Variants in ZNF490 observed in about 807,000 individuals in gnomAD.
ZNF490 encodes zinc finger protein 490.
In ZNF490, 11 loss-of-function variants were observed where a neutral mutation model predicts 17.7. That is an observed-to-expected ratio of 0.62 (90% CI 0.39 to 1.03). The LOEUF (loss-of-function observed/expected upper bound fraction) is 1.03. Ranked by LOEUF, ZNF490 falls within the 50% of genes least tolerant of loss-of-function variation. ZNF490 has a pLI of 0.00. For synonymous variants in ZNF490, 222 were observed against 216.1 expected (o/e 1.03, Z -0.24); for missense variants, 542 against 643.4 (o/e 0.84, Z 1.71).
chr19:12,601,126 C>G (rs557014166), intron 2 of ZNF490, among the ~76,000 whole-genome samples: 4 of 151,792 alleles, frequency 2.6e-5, no homozygotes, highest in Admixed American at 2.6e-4. Context: ...CGTTGGCTTA[C>G]GCCTGTAATC....
At chr19:12,583,869 G>A (rs1463513582) in intron 2 of ZNF490, among the ~76,000 whole-genome samples, 1 of 141,318 alleles carries the variant, frequency 7.1e-6, no homozygotes. Context: ...GGAGTGCAGT[G>A]GCACAATGTC....
intron 4 of ZNF490, among the ~76,000 whole-genome samples, 172 bp from the exon 5 acceptor site, chr19:12,581,896 T>C (rs1030626235): frequency 6.6e-6 from 1 of 152,176 alleles, no homozygotes; most frequent in African/African-American, 2.4e-5. Flanking sequence ...GCCGTGACCA[T>C]AGCTATTATC....
At position 12,598,175 on chromosome 19, in the gene ZNF490, G is replaced by C. The variant is rs191280697; in HGVS notation, c.162+10983C>G. Among the ~76,000 whole-genome samples, 103 of 151,850 alleles carry C rather than the reference G, an allele frequency of 6.8e-4. 1 individual carries two copies. The highest frequency in any genetic ancestry group is 2.3e-3 in the African/African-American group (95 of 41,476). On this transcript the variant is annotated intron_variant, in intron 2 of 4. Transcript: ENST00000311437. ...GGAGGCGGAGGTTGCAGTGAGCCAA[G>C]ATCGCGCCACTGCACTCCAGCCTGG...
At position 12,580,107 on chromosome 19, in the gene ZNF490, C is replaced by CAACAAA; in HGVS notation, c.*372_*377dup. On this transcript the variant is annotated 3_prime_UTR_variant, in exon 5 of 5. Transcript: ENST00000311437. The stretch of plus-strand genomic sequence containing the variant: ...GGGCAACAAGAGCAAAATTACATCT[C>CAACAAA]AACAAAAACAAAAACAAAAAACAAA... 1.0e-6 allele frequency: 1 copy of CAACAAA among 997,098 alleles called. No individual in the cohort carries two copies. Among genetic ancestry groups the CAACAAA allele is most frequent in the Non-Finnish European group, 1.2e-6 (1 of 836,870 alleles). 61.8% of individuals were successfully genotyped at this position (997,098 alleles called of 1,614,324 possible).
At chr19:12,595,147 CTT>C (rs1049633074) in intron 2 of ZNF490, among the ~76,000 whole-genome samples, 2 of 149,920 alleles carry the variant, frequency 1.3e-5, no homozygotes, top group African/African-American at 4.9e-5. Flanking sequence ...TTTTCTCTCT[CTT>C]TTTTTTTTTG....
At chr19:12,604,820 G>A (rs150141009) in intron 2 of ZNF490, among the ~76,000 whole-genome samples, 5,047 of 148,594 alleles carry the variant, frequency 0.034, 309 homozygotes, top group African/African-American at 0.12. Context: ...GCAAAACTCC[G>A]TCTCAAAAAA....
At chr19:12,582,498 G>A (rs549521383) in intron 4 of ZNF490, among the ~76,000 whole-genome samples, 1 of 152,048 alleles carries the variant, frequency 6.6e-6, no homozygotes, top group East Asian at 1.9e-4. Flanking sequence ...AGGTTCAAGC[G>A]ATTCTCCTGC....
intron 2 of ZNF490, among the ~76,000 whole-genome samples, chr19:12,599,937 G>A (rs2022981416): frequency 6.6e-6 from 1 of 152,054 alleles, no homozygotes. Context: ...AAGCACAACG[G>A]CTTTCTTTTA....
rs775246244 is a variant in ZNF490, at chr19:12,577,508, A to T, written c.*2977T>A. 5.2e-6 allele frequency: 3 copies of T among 580,832 alleles called. No homozygotes were observed. The highest frequency in any genetic ancestry group is 5.8e-6 in the Non-Finnish European group (3 of 513,472). The allele number at this position is 580,832 out of a possible 1,614,324, so 36.0% of individuals were successfully genotyped here. On this transcript the variant is annotated 3_prime_UTR_variant, in exon 5 of 5. Coordinates refer to ENST00000311437, the MANE Select transcript of ZNF490 (RefSeq NM_020714.3). The stretch of plus-strand genomic sequence containing the variant: ...TGTTCCAACCCCTCATACTACCATA[A>T]ATGTTCCTGGTGAGAGAAGCGAATG...
Position 12,610,786 on chromosome 19 carries a change from G to A in ZNF490, c.-106C>T, listed in dbSNP as rs2288453. 5.1e-4 allele frequency: 614 copies of A among 1,194,098 alleles called. 10 individuals carry two copies. In the East Asian group the frequency reaches 0.014, roughly 28 times the overall value. The allele number at this position is 1,194,098 out of a possible 1,614,324, so 74.0% of individuals were successfully genotyped here. ...ATTGTCCACGGAGGGCACCAGTTCC[G>A]TCCCACCGGCGGAAGCGAGATCTGC... On this transcript the variant is annotated 5_prime_UTR_variant, in exon 1 of 5. It adds an upstream start codon to the 5' untranslated region. Transcript: ENST00000311437.
Position 12,588,050 on chromosome 19 carries a change from A to G in ZNF490, c.163-4494T>C, listed in dbSNP as rs1344161953. ...ACGCCTGGCTAATTTTTGTATTTTT[A>G]GTAGAGACAGGGTTTCACCATGTTG... On this transcript the variant is annotated intron_variant, in intron 2 of 4. Transcript: ENST00000311437. Among the ~76,000 whole-genome samples, 2 of 81,174 alleles carry G rather than the reference A, an allele frequency of 2.5e-5. 1 individual carries two copies. Among genetic ancestry groups the G allele is most frequent in the Non-Finnish European group, 6.8e-5 (2 of 29,468 alleles). The allele number at this position is 81,174 out of a possible 152,430, so 53.3% of individuals were successfully genotyped here.
chr19:12,607,616 C>T (rs981916785), intron 2 of ZNF490, among the ~76,000 whole-genome samples: 2 of 151,780 alleles, frequency 1.3e-5, no homozygotes, highest in Non-Finnish European at 2.9e-5. Context: ...AAACTGAAAA[C>T]TCAGGCCAGG....
rs55911311 is a variant in ZNF490 at position 12,599,139 on chromosome 19, C to CA, written c.162+10018dup. ...TGGGCAACAGAGCAAGACTCTGTCT[C>CA]AAAAAAAAAAAAAAAAAAAAAAAGA... On this transcript the variant is annotated intron_variant, in intron 2 of 4. Transcript: ENST00000311437. 8.1e-3 allele frequency among the ~76,000 whole-genome samples: 553 copies of CA among 68,560 alleles called. 21 individuals are homozygous for CA. The highest frequency in any genetic ancestry group is 0.023 in the East Asian group (35 of 1,490). The allele number at this position is 68,560 out of a possible 152,430, so 45.0% of individuals were successfully genotyped here. A position where few individuals can be genotyped will look rare whatever the true frequency, so the allele number is the denominator to read the frequency against.
intron 2 of ZNF490, among the ~76,000 whole-genome samples, chr19:12,589,275 T>A (rs1025203637): frequency 3.3e-5 from 5 of 152,140 alleles, no homozygotes; most frequent in African/African-American, 1.2e-4. Flanking sequence ...GAGAATCACT[T>A]GAACCCAGGA....
rs1006964586 is a variant in ZNF490, at chr19:12,580,235, C to T, written c.*250G>A. 5 of 1,251,460 alleles carry T rather than the reference C, an allele frequency of 4.0e-6. No homozygotes were observed. In the African/African-American group the frequency reaches 6.0e-5, roughly 15 times the overall value. 77.5% of individuals were successfully genotyped at this position (1,251,460 alleles called of 1,614,324 possible). On this transcript the variant is annotated 3_prime_UTR_variant, in exon 5 of 5. Transcript: ENST00000311437. ...ATTACGTGAAGTGAAGGCTTTCCTA[C>T]ACTCCATACATTCGTAGCTTTTCTG...
intron 2 of ZNF490, among the ~76,000 whole-genome samples, chr19:12,606,571 C>T (rs1401297619): frequency 6.6e-6 from 1 of 152,032 alleles, no homozygotes; most frequent in Non-Finnish European, 1.5e-5. Flanking sequence ...TCTTGAACTC[C>T]TGACCTCAAG....
chr19:12,596,380 G>A (rs1419298277), intron 2 of ZNF490, among the ~76,000 whole-genome samples: 2 of 151,682 alleles, frequency 1.3e-5, no homozygotes, highest in Non-Finnish European at 2.9e-5. Flanking sequence ...ACTCACAATC[G>A]AAAGGTAAAT....
At position 12,578,365 on chromosome 19, in the gene ZNF490, C is replaced by T; in HGVS notation, c.*2120G>A. 1 of 985,698 alleles carries T rather than the reference C, an allele frequency of 1.0e-6. No homozygotes were observed. The allele number at this position is 985,698 out of a possible 1,614,324, so 61.1% of individuals were successfully genotyped here. A position where few individuals can be genotyped will look rare whatever the true frequency, so the allele number is the denominator to read the frequency against. ...TCTGACTGTGGTGGTTGGTGCAGGGCTGGTAACCGCAGGAGAGTGGATGCT... is the reference window on the plus strand; with the variant it reads ...TCTGACTGTGGTGGTTGGTGCAGGGTTGGTAACCGCAGGAGAGTGGATGCT... On this transcript the variant is annotated 3_prime_UTR_variant, in exon 5 of 5. Transcript: ENST00000311437.
chr19:12,576,813 CAAAAA>C lies in ZNF490; in HGVS notation c.*3667_*3671del, dbSNP rs149742929. On this transcript the variant is annotated 3_prime_UTR_variant, in exon 5 of 5. Coordinates refer to ENST00000311437, the MANE Select transcript of ZNF490 (RefSeq NM_020714.3). ...GCCTGGCAACAGTGAGAATCCATCT[CAAAAA>C]AAAAAAAAAAAAAAAAAACCTAAAA... Among the ~76,000 whole-genome samples, 2 of 37,558 alleles carry C rather than the reference CAAAAA, an allele frequency of 5.3e-5. No homozygotes were observed. Among genetic ancestry groups the C allele is most frequent in the Non-Finnish European group, 1.1e-4 (2 of 18,702 alleles). The allele number at this position is 37,558 out of a possible 152,430, so 24.6% of individuals were successfully genotyped here. A position where few individuals can be genotyped will look rare whatever the true frequency, so the allele number is the denominator to read the frequency against.
Sources: gnomAD v4.1 joint callset for allele counts (sites outside exome capture counted in the v4.1 genomes callset) on GRCh38, gnomAD v4.1.1 for gene constraint, MANE v1.5 for transcripts, NCBI Gene and HGNC (gene_info 2026-07-23, HGNC 2026-07-21) for gene names.